Variants in ABL1 observed in about 807,000 individuals in gnomAD.
ABL1 encodes tyrosine-protein kinase ABL1.
ABL1 carries 11 observed loss-of-function variants against 94.7 expected under a neutral mutation model. The observed-to-expected ratio is 0.12, with a 90% CI of 0.07 to 0.19. The LOEUF (loss-of-function observed/expected upper bound fraction) is 0.19. Among genes scored for constraint, ABL1 ranks in the 10% least tolerant of loss-of-function variants. The pLI is 1.00. For missense variants in ABL1, 1,082 were observed against 1,489.4 expected (o/e 0.73, Z 4.50); for synonymous variants, 656 against 622.4 (o/e 1.05, Z -0.80).
intron 3 of ABL1, 142 bp downstream of exon 3, chr9:130,855,238 C>A: frequency 1.1e-6 from 1 of 932,794 alleles, no homozygotes; most frequent in Non-Finnish European, 1.6e-6. Flanking sequence ...ATTCCATTAG[C>A]CTTATGAAGA....
intron 1 of ABL1, among the ~76,000 whole-genome samples, chr9:130,852,862 G>A (rs1830894187): frequency 6.6e-6 from 1 of 152,006 alleles, no homozygotes; most frequent in African/African-American, 2.4e-5. Context: ...TTGCCACAAG[G>A]TTAAAAAAAA....
At chr9:130,746,115 C>A (rs1831884351) in intron 1 of ABL1, among the ~76,000 whole-genome samples, 1 of 152,106 alleles carries the variant, frequency 6.6e-6, no homozygotes. Flanking sequence ...CCGCAGACAC[C>A]AGCAAAACGT....
At chr9:130,845,277 G>T (rs1830746279) in intron 1 of ABL1, among the ~76,000 whole-genome samples, 1 of 151,834 alleles carries the variant, frequency 6.6e-6, no homozygotes, top group Non-Finnish European at 1.5e-5. Context: ...GTCTTAGCCA[G>T]ACAATTTTTA....
intron 1 of ABL1, among the ~76,000 whole-genome samples, chr9:130,845,327 C>T (rs1338733062): frequency 2.0e-5 from 3 of 152,126 alleles, no homozygotes; most frequent in African/African-American, 2.4e-5. Context: ...TCCCCATCAA[C>T]AGTCCAAATC....
intron 1 of ABL1, among the ~76,000 whole-genome samples, chr9:130,770,822 T>A (rs901961146): frequency 6.6e-6 from 1 of 152,066 alleles, no homozygotes; most frequent in Non-Finnish European, 1.5e-5. Context: ...GAGACCAGGG[T>A]TGTAGACCCG....
chr9:130,811,401 CATTAAAAGAT>C (rs1212175289), intron 1 of ABL1, among the ~76,000 whole-genome samples: 2 of 152,244 alleles, frequency 1.3e-5, no homozygotes, highest in African/African-American at 2.4e-5. Context: ...GTTTCAGTCT[CATTAAAAGAT>C]ATGTCTTAGA....
At position 130,869,124 on chromosome 9, in the gene ABL1, G is replaced by A. The variant is rs1032981806; in HGVS notation, c.823-3005G>A. Among the ~76,000 whole-genome samples, 11 of 151,914 alleles carry A rather than the reference G, an allele frequency of 7.2e-5. 1 individual carries two copies. The highest frequency in any genetic ancestry group is 2.7e-4 in the African/African-American group (11 of 41,394). On this transcript the variant is annotated intron_variant, in intron 4 of 10. Coordinates refer to ENST00000318560, the MANE Select transcript of ABL1 (RefSeq NM_005157.6). ...GGAGCTTGCAGTGAGCCGAGATCGCGCCACTGCACTCTAGCCTGGGCGACA... is the reference window on the plus strand; with the variant it reads ...GGAGCTTGCAGTGAGCCGAGATCGCACCACTGCACTCTAGCCTGGGCGACA...
chr9:130,842,169 A>G (rs1485273218), intron 1 of ABL1, among the ~76,000 whole-genome samples: 9 of 152,274 alleles, frequency 5.9e-5, no homozygotes, highest in Admixed American at 5.2e-4. Flanking sequence ...GAGACAGATG[A>G]TGGACAGGCA....
In ABL1 at chr9:130,872,137, C is replaced by T. The variant is rs1212787369; in HGVS notation, c.831C>T (p.Thr277=). The change falls in exon 5 of 11, where the codon ACC becomes ACT. Residue 277 remains threonine, a synonymous_variant. Coordinates refer to ENST00000318560, the MANE Select transcript of ABL1 (RefSeq NM_005157.6). This position sits in a 1 kb window ranked among gnomAD's most constrained non-coding sequence, Gnocchi z 5.0. Reference sequence around the variant, plus strand: ...TTTTTTTCCTTCTGCAGGAGGACACCATGGAGGTGGAAGAGTTCTTGAAAG... The same window carrying T: ...TTTTTTTCCTTCTGCAGGAGGACACTATGGAGGTGGAAGAGTTCTTGAAAG... ...TVAVKTLKED[T]MEVEEFLKEA... 3 of 1,613,960 alleles carry T rather than the reference C, an allele frequency of 1.9e-6. No homozygotes were observed. The highest frequency in any genetic ancestry group is 1.3e-5 in the African/African-American group (1 of 74,922).
chr9:130,733,725 C>G (rs1371689961), intron 1 of ABL1, among the ~76,000 whole-genome samples: 1 of 151,464 alleles, frequency 6.6e-6, no homozygotes, highest in African/African-American at 2.4e-5. Context: ...ACTACAGGCG[C>G]CCGCCACCGC....
rs114830653 is a variant in ABL1 at position 130,770,295 on chromosome 9, C to A, written c.136+55840C>A. 4.2e-3 allele frequency among the ~76,000 whole-genome samples: 639 copies of A among 152,152 alleles called. 8 individuals carry two copies. Among genetic ancestry groups the A allele is most frequent in the African/African-American group, 0.014 (601 of 41,512 alleles). On this transcript the variant is annotated intron_variant, in intron 1 of 10. Coordinates refer to the ABL1 transcript ENST00000372348. Reference sequence around the variant, plus strand: ...GCCAAGGCGGGAGGATCACTTGAAGCCGGGAGTTCAAGACCAGCTTGGGCA... The same window carrying A: ...GCCAAGGCGGGAGGATCACTTGAAGACGGGAGTTCAAGACCAGCTTGGGCA...
intron 1 of ABL1, among the ~76,000 whole-genome samples, chr9:130,748,302 A>G (rs1214711784): frequency 6.6e-6 from 1 of 152,230 alleles, no homozygotes; most frequent in Non-Finnish European, 1.5e-5. Flanking sequence ...GTATGGTACA[A>G]TAATCCATTA....
chr9:130,840,024 T>C (rs1040948744), intron 1 of ABL1, among the ~76,000 whole-genome samples: 2 of 152,326 alleles, frequency 1.3e-5, no homozygotes, highest in Admixed American at 1.3e-4. Flanking sequence ...ACTGAGTTGT[T>C]GAGAGACTTC....
At chr9:130,774,942 CT>C (rs1040430694) in intron 1 of ABL1, among the ~76,000 whole-genome samples, 3 of 152,110 alleles carry the variant, frequency 2.0e-5, no homozygotes, top group Admixed American at 1.3e-4. Context: ...AGAAACTTGT[CT>C]GATTTGGTCT....
intron 1 of ABL1, among the ~76,000 whole-genome samples, chr9:130,750,513 G>A (rs1164809360): frequency 5.5e-5 from 8 of 145,384 alleles, no homozygotes; most frequent in African/African-American, 1.8e-4. Context: ...GTGCAGTGGC[G>A]TGATCTTGGC....
chr9:130,825,050 T>C (rs1355907041), intron 1 of ABL1, among the ~76,000 whole-genome samples: 2 of 152,210 alleles, frequency 1.3e-5, no homozygotes, highest in African/African-American at 4.8e-5. Flanking sequence ...TAGTATTTCA[T>C]TTCTAGGGTT....
chr9:130,886,072 C>T lies in ABL1; in HGVS notation c.*389C>T, dbSNP rs757611062. 2.7e-5 allele frequency: 7 copies of T among 260,878 alleles called. No individual in the cohort carries two copies. Among genetic ancestry groups the T allele is most frequent in the African/African-American group, 1.3e-4 (6 of 46,036 alleles). 16.2% of individuals were successfully genotyped at this position (260,878 alleles called of 1,614,324 possible). On this transcript the variant is annotated 3_prime_UTR_variant, in exon 11 of 11. Transcript: ENST00000318560. ...TTTCTCTCTGGAGCCCCTCCTCCCC[C>T]GGCTGGGCCTCCTTCTTCCACTTCT... is the stretch of plus-strand genomic sequence containing the variant.
intron 1 of ABL1, among the ~76,000 whole-genome samples, chr9:130,749,928 CT>C (rs999340852): frequency 6.6e-6 from 1 of 151,928 alleles, no homozygotes; most frequent in Non-Finnish European, 1.5e-5. Flanking sequence ...AATCCCAGCA[CT>C]TTGGGAGGCT....
intron 1 of ABL1, among the ~76,000 whole-genome samples, chr9:130,735,911 A>ATG (rs199512339): frequency 0.31 from 41,818 of 136,722 alleles, 9,832 homozygotes; most frequent in African/African-American, 0.64. Flanking sequence ...GTGTGTGTAT[A>ATG]TGTGTGTGTA....
Sources: gnomAD v4.1 joint callset for allele counts (sites outside exome capture counted in the v4.1 genomes callset) on GRCh38, gnomAD v4.1.1 for gene constraint, Gnocchi (gnomAD v3.1) non-coding constraint, MANE v1.5 for transcripts, NCBI Gene and HGNC (gene_info 2026-07-23, HGNC 2026-07-21) for gene names.